Variants in MMP26 observed in about 807,000 individuals in gnomAD.
MMP26 encodes matrix metallopeptidase 26, also known as matrix metalloproteinase-26.
Under a neutral mutation model 31.0 loss-of-function variants are expected in MMP26, and 33 were observed. The observed-to-expected ratio is 1.06, with a 90% CI of 0.81 to 1.42. MMP26 has a LOEUF of 1.42. Ranked by LOEUF, MMP26 falls within the 40% of genes most tolerant of loss-of-function variation. The pLI is 0.00. For missense variants in MMP26, 347 were observed against 316.1 expected (o/e 1.10, Z -0.74); for synonymous variants, 122 against 114.9 (o/e 1.06, Z -0.40).
intron 2 of MMP26, among the ~76,000 whole-genome samples, chr11:4,935,209 C>T (rs1222171878): frequency 6.6e-6 from 1 of 151,720 alleles, no homozygotes; most frequent in Non-Finnish European, 1.5e-5. Flanking sequence ...TACCCATGAG[C>T]ATGGAATGTT....
At chr11:4,803,335 G>A (rs998996347) in intron 2 of MMP26, 6 of 852,400 alleles carry the variant, frequency 7.0e-6, no homozygotes, top group African/African-American at 1.7e-5. Flanking sequence ...TATTTACAGA[G>A]CTGACTTAGT....
chr11:4,971,042 G>A (rs947653072), intron 2 of MMP26, among the ~76,000 whole-genome samples: 2 of 152,110 alleles, frequency 1.3e-5, no homozygotes, highest in African/African-American at 2.4e-5. Flanking sequence ...TCAAATGGAA[G>A]TAATAAAACG....
At chr11:4,887,171 G>T (rs114865403) in intron 2 of MMP26, among the ~76,000 whole-genome samples, 1 of 151,844 alleles carries the variant, frequency 6.6e-6, no homozygotes. Context: ...TGAGTAAACT[G>T]CACAATTTTA....
At chr11:4,932,187 A>C (rs1467432232) in intron 2 of MMP26, among the ~76,000 whole-genome samples, 1 of 152,138 alleles carries the variant, frequency 6.6e-6, no homozygotes, top group African/African-American at 2.4e-5. Context: ...CTGATTCATA[A>C]TTCGCAGTTT....
intron 2 of MMP26, among the ~76,000 whole-genome samples, chr11:4,843,602 C>G (rs1168915226): frequency 6.6e-6 from 1 of 152,240 alleles, no homozygotes; most frequent in African/African-American, 2.4e-5. Context: ...GCCTGGCTCA[C>G]AAAACCACTT....
intron 2 of MMP26, among the ~76,000 whole-genome samples, chr11:4,910,340 T>G (rs1033746429): frequency 8.5e-5 from 13 of 152,126 alleles, no homozygotes; most frequent in African/African-American, 1.4e-4. Flanking sequence ...TTCCCCTGGA[T>G]AATCTTGGAT....
chr11:4,889,769 G>T, intron 2 of MMP26: 1 of 161,040 alleles, frequency 6.2e-6, no homozygotes, highest in Non-Finnish European at 1.4e-5. Context: ...GGATGCCAAA[G>T]CAATGACGGG....
intron 2 of MMP26, among the ~76,000 whole-genome samples, chr11:4,780,228 G>A (rs1848840183): frequency 6.6e-6 from 1 of 152,052 alleles, no homozygotes; most frequent in Admixed American, 6.6e-5. Context: ...AAAATTTCTA[G>A]TTCATAAGGA....
At chr11:4,921,292 C>T (rs751214206) in intron 2 of MMP26, among the ~76,000 whole-genome samples, 1 of 152,148 alleles carries the variant, frequency 6.6e-6, no homozygotes, top group Non-Finnish European at 1.5e-5. Context: ...TGCCTTGGGG[C>T]CTCAGTCTAG....
At chr11:4,929,047 C>G (rs998824896) in intron 2 of MMP26, among the ~76,000 whole-genome samples, 1 of 151,918 alleles carries the variant, frequency 6.6e-6, no homozygotes, top group Admixed American at 6.6e-5. Context: ...TTACTTCTGC[C>G]GAAGCTCGTT....
chr11:4,740,117 A>G (rs2133291507), intron 1 of MMP26, among the ~76,000 whole-genome samples: 1 of 149,900 alleles, frequency 6.7e-6, no homozygotes, highest in Admixed American at 6.6e-5. Context: ...CTAAAATAAA[A>G]TCAGTTTATC....
intron 2 of MMP26, among the ~76,000 whole-genome samples, chr11:4,912,164 T>C (rs1266266046): frequency 6.6e-6 from 1 of 152,212 alleles, no homozygotes; most frequent in Non-Finnish European, 1.5e-5. Flanking sequence ...CTAAGAATTA[T>C]ATTAGAAAGT....
At position 4,991,961 on chromosome 11, in the gene MMP26, C is replaced by A. The variant is rs146916911; in HGVS notation, c.596-3C>A. 1,102 of 1,571,316 alleles carry A rather than the reference C, an allele frequency of 7.0e-4. 9 individuals are homozygous for A. In the East Asian group the frequency reaches 0.017, roughly 24 times the overall value. On this transcript the variant is annotated splice_polypyrimidine_tract_variant and splice_region_variant and intron_variant, in intron 6 of 7. Coordinates refer to ENST00000380390, the MANE Select transcript of MMP26 (RefSeq NM_021801.5). ...TATCTTTTTTTTTTCTATAATTTTT[C>A]AGGATATAATCTGTTCCTGGTTGCA...
At chr11:4,751,166 G>C (rs1177873859) in intron 1 of MMP26, among the ~76,000 whole-genome samples, 2 of 152,038 alleles carry the variant, frequency 1.3e-5, no homozygotes, top group African/African-American at 2.4e-5. Context: ...TTATTCGATA[G>C]GTTTTTCTGT....
rs542473110 is a variant in MMP26, at chr11:4,851,696, A to G, written c.-145+84355A>G. Among the ~76,000 whole-genome samples the G allele has an allele frequency of 4.7e-3, 720 of 152,142 alleles. 6 individuals are homozygous for G. The highest frequency in any genetic ancestry group is 0.016 in the African/African-American group (655 of 41,554). ...GCACAACAAGGGGGAGGAATTAAAC[A>G]TTTATTAAAACAAAACTTTTGAATT... is the stretch of plus-strand genomic sequence containing the variant. On this transcript the variant is annotated intron_variant, in intron 2 of 7. Transcript: ENST00000380390.
intron 1 of MMP26, among the ~76,000 whole-genome samples, chr11:4,738,563 C>G (rs140029074): frequency 6.6e-6 from 1 of 152,098 alleles, no homozygotes; most frequent in Non-Finnish European, 1.5e-5. Context: ...TCTCAGTAGT[C>G]AGAATTCTGC....
chr11:4,819,955 C>T (rs1332778888), intron 2 of MMP26, among the ~76,000 whole-genome samples: 2 of 152,020 alleles, frequency 1.3e-5, no homozygotes, highest in South Asian at 2.1e-4. Context: ...TTTCTTGGCC[C>T]TTTGCATACA....
chr11:4,774,242 A>T (rs1848762675), intron 2 of MMP26, among the ~76,000 whole-genome samples: 1 of 152,196 alleles, frequency 6.6e-6, no homozygotes, highest in Non-Finnish European at 1.5e-5. Flanking sequence ...TTACATTCTG[A>T]CCAACAATGT....
rs1848041380 is a variant in MMP26, at chr11:4,723,217, GC to G, written c.-217+18175del. 4 of 1,418,630 alleles carry G rather than the reference GC, an allele frequency of 2.8e-6. No individual in the cohort carries two copies. In the South Asian group the frequency reaches 4.6e-5, roughly 16 times the overall value. 87.9% of individuals were successfully genotyped at this position (1,418,630 alleles called of 1,614,324 possible). ...CCAGGGAAGCCCTCTGGCCTTTGAG[GC>G]CCTCAATCTCAGCCTGGAGCCGGCT... On this transcript the variant is annotated intron_variant, in intron 1 of 7. Transcript: ENST00000380390.
Sources: allele counts gnomAD v4.1 joint callset (sites outside exome capture counted in the v4.1 genomes callset), GRCh38; gene constraint gnomAD v4.1.1; transcripts MANE v1.5; gene names NCBI Gene and HGNC (gene_info 2026-07-23, HGNC 2026-07-21).